INSR: variants seen among roughly 807,000 people sequenced by gnomAD.
INSR encodes IR.
Under a neutral mutation model 142.6 loss-of-function variants are expected in INSR, and 67 were observed. That is an observed-to-expected ratio of 0.47 (90% CI 0.39 to 0.58). INSR has a LOEUF of 0.58. Among genes scored for constraint, INSR ranks in the 20% least tolerant of loss-of-function variants. The pLI is 0.00. For synonymous variants in INSR, 756 were observed against 743.1 expected (o/e 1.02, Z -0.28); for missense variants, 1,248 against 1,833.2 (o/e 0.68, Z 5.83).
At chr19:7,147,389 G>C (rs1157173033) in intron 11 of INSR, among the ~76,000 whole-genome samples, 1 of 152,054 alleles carries the variant, frequency 6.6e-6, no homozygotes, top group Middle Eastern at 3.2e-3. Flanking sequence ...TGGCCAGGCT[G>C]GTCTCAAACT....
At chr19:7,129,428 G>C (rs1972724875) in intron 14 of INSR, among the ~76,000 whole-genome samples, 1 of 152,140 alleles carries the variant, frequency 6.6e-6, no homozygotes, top group Non-Finnish European at 1.5e-5. Flanking sequence ...GGGTTCAAGT[G>C]ATTCTCCTGC....
chr19:7,157,660 T>A (rs1271000487), intron 9 of INSR, among the ~76,000 whole-genome samples: 3 of 152,002 alleles, frequency 2.0e-5, no homozygotes, highest in South Asian at 2.1e-4. Context: ...ATGCCTCTGG[T>A]ACAGCCACTG....
At position 7,148,477 on chromosome 19, in the gene INSR, C is replaced by CTTTTTTTTTTTTTT. The variant is rs71177160; in HGVS notation, c.2267+2006_2267+2019dup. Among the ~76,000 whole-genome samples the CTTTTTTTTTTTTTT allele has an allele frequency of 6.8e-4, 65 of 95,042 alleles. 6 individuals are homozygous for CTTTTTTTTTTTTTT. Among genetic ancestry groups the CTTTTTTTTTTTTTT allele is most frequent in the African/African-American group, 2.0e-3 (45 of 22,100 alleles). 62.4% of individuals were successfully genotyped at this position (95,042 alleles called of 152,430 possible). A position where few individuals can be genotyped will look rare whatever the true frequency, so the allele number is the denominator to read the frequency against. ...TTATTATTAGTATTATGTATTTATT[C>CTTTTTTTTTTTTTT]TTTTTTTTTTTTTTTTTTGAGACAG... On this transcript the variant is annotated intron_variant, in intron 11 of 21. Transcript: ENST00000302850.
At chr19:7,131,313 G>A (rs927627802) in intron 14 of INSR, among the ~76,000 whole-genome samples, 1 of 151,648 alleles carries the variant, frequency 6.6e-6, no homozygotes, top group African/African-American at 2.4e-5. Context: ...AAAATTATCT[G>A]TACAGCAAAC....
intron 2 of INSR, among the ~76,000 whole-genome samples, chr19:7,240,501 G>A (rs1443446584): frequency 2.0e-5 from 3 of 152,202 alleles, no homozygotes; most frequent in Non-Finnish European, 1.5e-5. Flanking sequence ...GAGGCAAGGC[G>A]GAGGTTGCAG....
In INSR at chr19:7,230,140, C is replaced by T. The variant is rs552251119; in HGVS notation, c.652+37205G>A. Among the ~76,000 whole-genome samples, 19 of 152,156 alleles carry T rather than the reference C, an allele frequency of 1.2e-4. No homozygotes were observed. The South Asian group carries it at 1.9e-3, about 15-fold the overall frequency. ...TCGGCCACATTCTCAGAGGCTCGCA[C>T]AGCACCTGGCTCTCAGCAGATGGAC... On this transcript the variant is annotated intron_variant, in intron 2 of 21. Transcript: ENST00000302850.
chr19:7,195,863 T>C (rs1974730149), intron 2 of INSR, among the ~76,000 whole-genome samples: 1 of 151,820 alleles, frequency 6.6e-6, no homozygotes, highest in South Asian at 2.1e-4. Context: ...TGTATCAATG[T>C]TAATTTCCTG....
chr19:7,126,519 T>C (rs1174901833), intron 16 of INSR, 65 bp downstream of exon 16: 5 of 1,374,132 alleles, frequency 3.6e-6, no homozygotes, highest in Non-Finnish European at 5.1e-6. Flanking sequence ...TCTCACTCAA[T>C]GGTGAAGGCA....
At chr19:7,282,381 T>C (rs1968227326) in intron 1 of INSR, among the ~76,000 whole-genome samples, 1 of 148,284 alleles carries the variant, frequency 6.7e-6, no homozygotes, top group South Asian at 2.1e-4. Context: ...ATAGTAATAA[T>C]AATAATAATC....
intron 13 of INSR, among the ~76,000 whole-genome samples, chr19:7,135,967 CAAA>C (rs1012987600): frequency 1.1e-5 from 1 of 92,828 alleles, no homozygotes; most frequent in Non-Finnish European, 1.9e-5. Flanking sequence ...GACTCCATCT[CAAA>C]AAAAAAAAAG....
At position 7,182,129 on chromosome 19, in the gene INSR, C is replaced by T. The variant is rs987991667; in HGVS notation, c.974+2187G>A. On this transcript the variant is annotated intron_variant, in intron 3 of 21. Transcript: ENST00000302850. The stretch of plus-strand genomic sequence containing the variant: ...GGTGGATCACTTGAGGTCAGGAGTT[C>T]AAGACCAGCCTGGCCAACATGATGA... Among the ~76,000 whole-genome samples the T allele has an allele frequency of 4.6e-5, 7 of 151,584 alleles. No homozygotes were observed. The South Asian group carries it at 1.0e-3, about 23-fold the overall frequency.
rs145643501 is a variant in INSR at position 7,143,004 on chromosome 19, G to C, written c.2354C>G (p.Ser785Trp). ...PTVAAFPNTS[S>W]TSVPTSPEEH... Reference sequence around the variant, plus strand: ...CTCCGGACTCGTGGGCACGCTGGTCGAGGAAGTGTTGGGGAAAGCTGCCAC... The same window carrying C: ...CTCCGGACTCGTGGGCACGCTGGTCCAGGAAGTGTTGGGGAAAGCTGCCAC... Residue 785 changes from serine to tryptophan, a missense_variant, in exon 12 of 22, where the codon TCG becomes TGG. Around this residue, in one of 3 missense-constraint regions of INSR, gnomAD observed 1,069 missense variants for 1,654.0 expected, o/e 0.65. Transcript: ENST00000302850. The C allele has an allele frequency of 1.5e-5, 24 of 1,614,194 alleles. No homozygotes were observed. Among genetic ancestry groups the C allele is most frequent in the Non-Finnish European group, 1.9e-5 (23 of 1,180,028 alleles).
intron 2 of INSR, among the ~76,000 whole-genome samples, chr19:7,187,747 A>AT (rs1397591819): frequency 6.6e-6 from 1 of 151,184 alleles, no homozygotes; most frequent in Non-Finnish European, 1.5e-5. Flanking sequence ...TAAGTGTTTA[A>AT]TTTTTTGTAG....
At chr19:7,239,456 C>T (rs1041075751) in intron 2 of INSR, among the ~76,000 whole-genome samples, 2 of 152,110 alleles carry the variant, frequency 1.3e-5, no homozygotes, top group Non-Finnish European at 2.9e-5. Flanking sequence ...CATAATTTTC[C>T]TGCAGCCTTG....
intron 2 of INSR, among the ~76,000 whole-genome samples, chr19:7,226,146 G>A (rs1226896508): frequency 6.6e-6 from 1 of 152,170 alleles, no homozygotes; most frequent in Non-Finnish European, 1.5e-5. Flanking sequence ...GGTGCCTCAC[G>A]CCTGTAATCC....
chr19:7,182,763 C>T lies in INSR; in HGVS notation c.974+1553G>A, dbSNP rs567920882. Among the ~76,000 whole-genome samples the T allele has an allele frequency of 8.0e-4, 121 of 152,038 alleles. 1 individual carries two copies. The South Asian group carries it at 0.019, about 24-fold the overall frequency. On this transcript the variant is annotated intron_variant, in intron 3 of 21. Coordinates refer to ENST00000302850, the MANE Select transcript of INSR (RefSeq NM_000208.4). ...CCATTGTTAAGGTGAGGGAAAAATG[C>T]CTTTTATTTAAGGCCAATGTCTTTT...
intron 2 of INSR, among the ~76,000 whole-genome samples, chr19:7,245,361 C>T (rs904748863): frequency 6.6e-6 from 1 of 152,130 alleles, no homozygotes; most frequent in African/African-American, 2.4e-5. Context: ...ATGTTCTTAC[C>T]AGGCATGAGC....
chr19:7,293,664 C>T, intron 1 of INSR, 128 bp downstream of exon 1: 3 of 747,974 alleles, frequency 4.0e-6, no homozygotes, highest in African/African-American at 1.9e-5. Context: ...CAGGAGCTAC[C>T]GTCCTGGCCA....
chr19:7,185,155 T>C (rs889121844), intron 2 of INSR, among the ~76,000 whole-genome samples: 6 of 152,226 alleles, frequency 3.9e-5, no homozygotes, highest in Admixed American at 3.3e-4. Context: ...GAGTATTTGT[T>C]ACTTTTAAAA....
Sources: allele counts gnomAD v4.1 joint callset (sites outside exome capture counted in the v4.1 genomes callset), GRCh38; gene constraint gnomAD v4.1.1; regional missense constraint gnomAD v4.1.1; transcripts MANE v1.5; gene names NCBI Gene and HGNC (gene_info 2026-07-23, HGNC 2026-07-21).